The following TBL1Y variants were observed in gnomAD, a reference collection of about 807,000 sequenced individuals.
The protein encoded by TBL1Y is F-box-like/WD repeat-containing protein TBL1Y.
In TBL1Y, 15 loss-of-function variants were observed where a neutral mutation model predicts 12.0. That is an observed-to-expected ratio of 1.25 (90% CI 0.83 to 1.92). The LOEUF (loss-of-function observed/expected upper bound fraction) is 1.92. TBL1Y is among the 40% of genes most tolerant of loss of function. The pLI is 0.00. For missense variants in TBL1Y, 148 were observed against 116.7 expected (o/e 1.27, Z -1.24); for synonymous variants, 53 against 42.6 (o/e 1.24, Z -0.95).
chrY:7,032,699 C>T, intron 6 of TBL1Y, among the ~76,000 whole-genome samples: 3 of 33,501 alleles, frequency 9.0e-5, no homozygotes, highest in Non-Finnish European at 2.2e-4. Flanking sequence ...CTCTGTGCCA[C>T]GGAGCACTGC....
chrY:7,086,466 A>G, intron 16 of TBL1Y, 49 bp downstream of exon 16: 1 of 357,317 alleles, frequency 2.8e-6, no homozygotes, highest in African/African-American at 6.5e-5. Flanking sequence ...CACAACGATA[A>G]CAAGAAATTT....
intron 14 of TBL1Y, among the ~76,000 whole-genome samples, chrY:7,085,573 A>G: frequency 3.0e-5 from 1 of 33,753 alleles, no homozygotes; most frequent in Non-Finnish European, 7.3e-5. Flanking sequence ...AGCTTTTAAA[A>G]TAACTGGTTT....
chrY:7,061,557 C>G, intron 7 of TBL1Y, among the ~76,000 whole-genome samples: 1 of 32,423 alleles, frequency 3.1e-5, no homozygotes, highest in African/African-American at 1.2e-4. Flanking sequence ...CTCTCTCTCT[C>G]TCTCTGCTGT....
chrY:6,947,960 C>G, intron 2 of TBL1Y, among the ~76,000 whole-genome samples: 3 of 33,868 alleles, frequency 8.9e-5, no homozygotes, highest in African/African-American at 3.5e-4. Context: ...AGGCATAAAA[C>G]TGCTCAGACA....
intron 2 of TBL1Y, among the ~76,000 whole-genome samples, chrY:6,934,295 C>T (rs1171124066): frequency 1.3e-3 from 43 of 32,922 alleles, no homozygotes; most frequent in African/African-American, 5.1e-3. Context: ...CTCCTCCTTT[C>T]CTGCCTGGCT....
At chrY:7,084,358 C>T in intron 14 of TBL1Y, among the ~76,000 whole-genome samples, 1 of 33,667 alleles carries the variant, frequency 3.0e-5, no homozygotes, top group Admixed American at 2.7e-4. Flanking sequence ...GGCACGATCT[C>T]GGCTCACAGC....
At chrY:7,022,555 G>T in intron 5 of TBL1Y, among the ~76,000 whole-genome samples, 6 of 33,188 alleles carry the variant, frequency 1.8e-4, no homozygotes, top group Non-Finnish European at 3.7e-4. Context: ...TTTTTTGATT[G>T]GCTCTTTCAT....
chrY:6,934,663 T>C (rs2011890685), intron 2 of TBL1Y, among the ~76,000 whole-genome samples: 1 of 33,962 alleles, frequency 2.9e-5, no homozygotes, highest in Non-Finnish European at 7.3e-5. Flanking sequence ...GATGGAGGTA[T>C]ATTGAAATAC....
intron 7 of TBL1Y, among the ~76,000 whole-genome samples, chrY:7,045,178 G>A (rs2012751612): frequency 3.0e-5 from 1 of 32,863 alleles, no homozygotes; most frequent in Non-Finnish European, 7.4e-5. Flanking sequence ...ACAAAGAATT[G>A]GACAAAACAC....
At chrY:6,943,963 C>T (rs2011968912) in intron 2 of TBL1Y, among the ~76,000 whole-genome samples, 3 of 33,877 alleles carry the variant, frequency 8.9e-5, no homozygotes, top group Non-Finnish European at 2.2e-4. Flanking sequence ...TAGGCTATGC[C>T]ACTCACATTG....
At chrY:7,065,217 T>C (rs773697771) in intron 8 of TBL1Y, among the ~76,000 whole-genome samples, 1 of 33,440 alleles carries the variant, frequency 3.0e-5, no homozygotes, top group South Asian at 6.9e-4. Context: ...GTGTAGATAA[T>C]TGAATCATGG....
At chrY:7,029,624 C>T (rs962444111) in intron 6 of TBL1Y, among the ~76,000 whole-genome samples, 8 of 33,739 alleles carry the variant, frequency 2.4e-4, no homozygotes, top group Non-Finnish European at 4.4e-4. Context: ...GAAGGAAGAA[C>T]GGAATGTGAG....
chrY:6,917,141 A>G, intron 2 of TBL1Y, among the ~76,000 whole-genome samples: 2 of 34,420 alleles, frequency 5.8e-5, no homozygotes, highest in African/African-American at 2.3e-4. Flanking sequence ...CCTGTTAGGA[A>G]CCTCCAGGAG....
intron 2 of TBL1Y, among the ~76,000 whole-genome samples, chrY:6,975,741 T>C (rs2012234261): frequency 3.0e-5 from 1 of 33,420 alleles, no homozygotes; most frequent in African/African-American, 1.2e-4. Flanking sequence ...AGTTCCTTAA[T>C]ATGAGTTTAG....
intron 2 of TBL1Y, chrY:6,920,033 T>C: frequency 3.0e-5 from 1 of 33,634 alleles, no homozygotes; most frequent in Admixed American, 2.8e-4. Context: ...TTGACTCCTC[T>C]CTCTGATGAC....
chrY:7,085,519 G>GA (rs2013124212), intron 14 of TBL1Y, among the ~76,000 whole-genome samples: 1 of 30,589 alleles, frequency 3.3e-5, no homozygotes, highest in African/African-American at 1.3e-4. Context: ...AAAAGAAAAA[G>GA]AAAAAAAAAG....
chrY:6,924,505 G>A (rs770300998), intron 2 of TBL1Y, among the ~76,000 whole-genome samples: 1 of 29,306 alleles, frequency 3.4e-5, no homozygotes, highest in South Asian at 8.5e-4. Flanking sequence ...GGAGAATGGC[G>A]TGAACCCAGG....
intron 4 of TBL1Y, among the ~76,000 whole-genome samples, chrY:7,006,856 A>G (rs2012490757): frequency 2.9e-5 from 1 of 34,064 alleles, no homozygotes; most frequent in African/African-American, 1.1e-4. Flanking sequence ...AAAAACATGA[A>G]AAAATGCTCT....
intron 6 of TBL1Y, among the ~76,000 whole-genome samples, chrY:7,034,310 C>T: frequency 3.0e-5 from 1 of 33,056 alleles, no homozygotes; most frequent in Non-Finnish European, 7.5e-5. Flanking sequence ...AACTACAAAC[C>T]ACTGCTCAAG....
Sources: allele counts gnomAD v4.1 joint callset (sites outside exome capture counted in the v4.1 genomes callset), GRCh38; gene constraint gnomAD v4.1.1; transcripts MANE v1.5; gene names NCBI Gene and HGNC (gene_info 2026-07-23, HGNC 2026-07-21).